OBSL1: variants seen among roughly 807,000 people sequenced by gnomAD.
The protein encoded by OBSL1 is obscurin like cytoskeletal adaptor 1, also known as obscurin-like protein 1.
A neutral mutation model predicts 172.0 loss-of-function variants in OBSL1; 160 were observed. The observed-to-expected ratio is 0.93, with a 90% CI of 0.82 to 1.06. The LOEUF (loss-of-function observed/expected upper bound fraction) is 1.06, where lower values mean the gene tolerates loss of function less well. Among genes scored for constraint, OBSL1 ranks in the 50% least tolerant of loss-of-function variants. The pLI, the probability that OBSL1 is intolerant of heterozygous loss-of-function variation, is 0.00. For synonymous variants in OBSL1, 1,200 were observed against 1,196.3 expected, an observed-to-expected ratio of 1.00 and a Z score of -0.06; for missense variants, 2,681 against 2,715.4, an observed-to-expected ratio of 0.99 and a Z score of 0.28.
chr2:219,558,376 C>A lies in OBSL1; in HGVS notation c.3310G>T (p.Glu1104Ter). The A allele has an allele frequency of 6.2e-7, 1 of 1,610,876 alleles. No individual in the cohort carries two copies. Among genetic ancestry groups the A allele is most frequent in the East Asian group, 2.2e-5 (1 of 44,780 alleles). ...ACCTGAGACCCAGCTGGGGCCACCTCACAGCGCAGCTCCACGCGCCCTGGA... is the reference window on the plus strand; with the variant it reads ...ACCTGAGACCCAGCTGGGGCCACCTAACAGCGCAGCTCCACGCGCCCTGGA... ...GAPGRVELRC[E>*]VAPAGSQVRW... The change falls in exon 10 of 21, where the codon GAG becomes TAG. Residue 1104 changes from glutamate (E) to a stop codon, truncating the protein, a stop_gained. Transcript: ENST00000404537. LOFTEE classifies it high-confidence loss of function.
Position 219,562,479 on chromosome 2 carries a change from G to T in OBSL1, c.2876C>A (p.Ala959Asp). 1.2e-6 allele frequency: 2 copies of T among 1,614,024 alleles called. No homozygotes were observed. The highest frequency in any genetic ancestry group is 1.7e-6 in the Non-Finnish European group (2 of 1,179,892). ...CTCGCCGGAGTCCTCGAGCTGGACA[G>T]CGGGCAGCACCAGGCGGCGGACAGT... Reference protein sequence around the residue: ...EDTVRRLVLPAVQLEDSGEYL... With the variant: ...EDTVRRLVLPDVQLEDSGEYL... Residue 959 changes from alanine (A) to aspartate (D), a missense_variant, in exon 8 of 21, where the codon GCT (alanine) becomes GAT (aspartate). Physicochemically the swap from Ala to Asp is moderately radical, Grantham distance 126. Around this residue, in one of 5 missense-constraint regions of OBSL1, gnomAD observed 1,765 missense variants for 1,748.3 expected, o/e 1.01. Transcript: ENST00000404537.
chr2:219,547,327 C>A, downstream of OBSL1: 1 of 491,484 alleles, frequency 2.0e-6, no homozygotes, highest in Non-Finnish European at 3.5e-6. Context: ...TCTCTAACCT[C>A]CCCTGACCTC....
At chr2:219,549,819 C>CTT, downstream of OBSL1, 1 of 1,614,128 alleles carries the variant, frequency 6.2e-7, no homozygotes, top group Non-Finnish European at 8.5e-7. Context: ...CCGGGGACCT[C>CTT]TGACAGCCTG....
intron 1 of OBSL1, chr2:219,569,241 C>G (rs915945359): frequency 6.6e-6 from 1 of 152,184 alleles, no homozygotes; most frequent in African/African-American, 2.4e-5. Context: ...CAGATCAGCA[C>G]CAACCTGATG....
rs1697285507 is a variant in OBSL1 at position 219,570,692 on chromosome 2, G to A, written c.541C>T (p.Pro181Ser). The change falls in exon 1 of 21, where the codon CCG (proline) becomes TCG (serine). Residue 181 changes from proline (P) to serine (S), a missense_variant. Pro to Ser is a moderately conservative substitution (Grantham distance 74). Transcript: ENST00000404537. ...VWDSSHFALQPGRAEDGPGAS... is the reference protein window; with the variant it reads ...VWDSSHFALQSGRAEDGPGAS... ...CCGGGGCCGTCCTCGGCGCGGCCCG[G>A]CTGGAGCGCGAAGTGGCTGCTGTCC... 1.3e-6 allele frequency: 2 copies of A among 1,509,288 alleles called. No homozygotes were observed. Among genetic ancestry groups the A allele is most frequent in the South Asian group, 2.5e-5 (2 of 81,290 alleles). The allele number at this position is 1,509,288 out of a possible 1,614,324, so 93.5% of individuals were successfully genotyped here.
At chr2:219,550,926 C>T in intron 20 of OBSL1, 84 bp from the exon 21 acceptor site, 2 of 1,564,826 alleles carry the variant, frequency 1.3e-6, no homozygotes, top group African/African-American at 1.4e-5. Context: ...GACACCAGTA[C>T]ACAAAGAGCT....
At chr2:219,561,702 C>A in intron 8 of OBSL1, 1 of 610,724 alleles carries the variant, frequency 1.6e-6, no homozygotes, top group Admixed American at 2.6e-5. Flanking sequence ...CCTCACAGTA[C>A]TTATCACCAG....
rs1696659174 is a variant in OBSL1 at position 219,563,573 on chromosome 2, G to A, written c.2462C>T (p.Thr821Ile). 6.2e-7 allele frequency: 1 copy of A among 1,613,718 alleles called. No homozygotes were observed. The highest frequency in any genetic ancestry group is 8.5e-7 in the Non-Finnish European group (1 of 1,179,870). The change falls in exon 7 of 21, where the codon ACT (threonine) becomes ATT (isoleucine). Residue 821 changes from threonine (T) to isoleucine (I), a missense_variant. Around this residue, in one of 5 missense-constraint regions of OBSL1, gnomAD observed 1,765 missense variants for 1,748.3 expected, o/e 1.01. Transcript: ENST00000404537. ...ACAGGCCAGCATGACACACTCGGAA[G>A]TTATGGCATGCACGAACACATGTTC... Reference protein sequence around the residue: ...PREHVFVHAITSECVMLACEV... With the variant: ...PREHVFVHAIISECVMLACEV...
downstream of OBSL1, chr2:219,549,212 G>A (rs139328802): frequency 7.1e-5 from 114 of 1,613,884 alleles, no homozygotes; most frequent in Admixed American, 7.7e-4. Flanking sequence ...CAGGAAGATC[G>A]CAAGGAGAAA....
At position 219,570,384 on chromosome 2, in the gene OBSL1, GC is replaced by G. The variant is rs773698181; in HGVS notation, c.848del (p.Gly283AlafsTer54). Reference sequence around the variant, plus strand: ...GGCGGCGGTCCGGGAGCAGCGGGCGGCCCTCCCAGTGCCATTCGATCTCGGG... The same window carrying G: ...GGCGGCGGTCCGGGAGCAGCGGGCGGCCTCCCAGTGCCATTCGATCTCGGG... ...PEPEIEWHWE[G>X]RPLLPDRRRL... On this transcript the variant is annotated frameshift_variant, in exon 1 of 21. Transcript: ENST00000404537. LOFTEE classifies it high-confidence loss of function. The G allele has an allele frequency of 1.2e-6, 2 of 1,612,970 alleles. No homozygotes were observed. The highest frequency in any genetic ancestry group is 2.2e-5 in the South Asian group (2 of 91,076).
chr2:219,568,089 GC>G lies in OBSL1; in HGVS notation c.1247del (p.Gly416AlafsTer16). On this transcript the variant is annotated frameshift_variant, in exon 2 of 21. Coordinates refer to ENST00000404537, the MANE Select transcript of OBSL1 (RefSeq NM_015311.3). LOFTEE classifies it high-confidence loss of function. This position sits in a 1 kb window ranked among gnomAD's most constrained non-coding sequence, Gnocchi z 4.1. Reference sequence around the variant, plus strand: ...TGACGTTGGCCACGGTGCGCACCCGGCCCCGCATCTCGCACAGGTAGATACC... The same window carrying G: ...TGACGTTGGCCACGGTGCGCACCCGGCCCGCATCTCGCACAGGTAGATACC... ...DDGIYLCEMR[G>X]RVRTVANVTV... 1.2e-6 allele frequency: 2 copies of G among 1,612,432 alleles called. No individual in the cohort carries two copies. The highest frequency in any genetic ancestry group is 1.7e-6 in the Non-Finnish European group (2 of 1,178,816).
chr2:219,554,010 G>A (rs1695825695), intron 15 of OBSL1, among the ~76,000 whole-genome samples: 2 of 151,840 alleles, frequency 1.3e-5, no homozygotes, highest in African/African-American at 4.8e-5. Context: ...AACATCCTGG[G>A]ACTGGAAGTA....
rs749249387 is a variant in OBSL1 at position 219,567,471 on chromosome 2, TCTCGGGAGCTGG to T, written c.1627_1638del (p.Pro543_Glu546del). On this transcript the variant is annotated inframe_deletion, in exon 4 of 21. Coordinates refer to ENST00000404537, the MANE Select transcript of OBSL1 (RefSeq NM_015311.3). ...CGCTCCAGCCGGTAGATGAATGGGGTCTCGGGAGCTGGCTCGGGAGGCTTCCAGGTCAACAGG... is the reference window on the plus strand; with the variant it reads ...CGCTCCAGCCGGTAGATGAATGGGGTCTCGGGAGGCTTCCAGGTCAACAGG... 3.7e-6 allele frequency: 6 copies of T among 1,613,622 alleles called. No homozygotes were observed. The highest frequency in any genetic ancestry group is 5.1e-6 in the Non-Finnish European group (6 of 1,179,752).
chr2:219,565,209 G>T, intron 6 of OBSL1, 33 bp downstream of exon 6: 1 of 1,576,430 alleles, frequency 6.3e-7, no homozygotes. Flanking sequence ...ATCAGCCTTG[G>T]CTGGAGGAGC....
downstream of OBSL1, chr2:219,549,968 G>A (rs907440737): frequency 3.3e-5 from 46 of 1,399,248 alleles, no homozygotes; most frequent in Non-Finnish European, 4.5e-5. Context: ...CCTGGAGAGG[G>A]CTGGCCTGGT....
chr2:219,567,338 C>T lies in OBSL1; in HGVS notation c.1772G>A (p.Arg591His), dbSNP rs371604956. 5.0e-5 allele frequency: 80 copies of T among 1,610,438 alleles called. No individual in the cohort carries two copies. Among genetic ancestry groups the T allele is most frequent in the Non-Finnish European group, 5.9e-5 (69 of 1,177,596 alleles). ...GCCATGTCCGCTGACTGTGCAGATG[C>T]GGAAGCGGTAGTCACCCTCGGAGGG... is the stretch of plus-strand genomic sequence containing the variant. The part of the protein sequence containing the change: ...CVPSEGDYRF[R>H]ICTVSGHGRS... The change falls in exon 4 of 21, where the codon CGC becomes CAC. Residue 591 changes from arginine to histidine, a missense_variant. Physicochemically the swap from Arg to His is conservative, Grantham distance 29 (BLOSUM62 0). Around this residue, in one of 5 missense-constraint regions of OBSL1, gnomAD observed 706 missense variants for 695.8 expected, o/e 1.01. Coordinates refer to ENST00000404537, the MANE Select transcript of OBSL1 (RefSeq NM_015311.3).
In OBSL1 at chr2:219,560,059, A is replaced by C. The variant is rs78250801; in HGVS notation, c.2954-562T>G. ...CATGGATAAGGGATGGTGGATCTAC[A>C]ATAGCAAACATTGATATGACACTTC... On this transcript the variant is annotated intron_variant, in intron 8 of 20. Coordinates refer to ENST00000404537, the MANE Select transcript of OBSL1 (RefSeq NM_015311.3). Among the ~76,000 whole-genome samples the C allele has an allele frequency of 1.6e-3, 237 of 152,356 alleles. 1 individual carries two copies. The East Asian group carries it at 0.017, about 11-fold the overall frequency.
At position 219,553,599 on chromosome 2, in the gene OBSL1, G is replaced by A. The variant is rs1443286808; in HGVS notation, c.4964C>T (p.Ala1655Val). 6.2e-7 allele frequency: 1 copy of A among 1,613,830 alleles called. No individual in the cohort carries two copies. The highest frequency in any genetic ancestry group is 8.5e-7 in the Non-Finnish European group (1 of 1,179,840). The change falls in exon 16 of 21, where the codon GCT (alanine) becomes GTT (valine). Residue 1655 changes from alanine to valine, a missense_variant. By Grantham distance (64) the Ala-to-Val change is moderately conservative. Around this residue, in one of 5 missense-constraint regions of OBSL1, gnomAD observed 1,765 missense variants for 1,748.3 expected, o/e 1.01. Transcript: ENST00000404537. The stretch of plus-strand genomic sequence containing the variant: ...CTTCTCCCAGGTAACATCAGCCAAA[G>A]CTTGGGAAAGCTCGCACTCGAACGT... ...TATFECELSQ[A>V]LADVTWEKDG...
chr2:219,547,491 C>A, downstream of OBSL1: 1 of 1,416,604 alleles, frequency 7.1e-7, no homozygotes. Context: ...CTCACTAGCC[C>A]CTGTTCCCCT....
Sources: allele counts gnomAD v4.1 joint callset (sites outside exome capture counted in the v4.1 genomes callset), GRCh38; gene constraint gnomAD v4.1.1; regional missense constraint gnomAD v4.1.1; non-coding constraint Gnocchi (gnomAD v3.1); transcripts MANE v1.5; gene names NCBI Gene and HGNC (gene_info 2026-07-23, HGNC 2026-07-21).